HTRA1: variants seen among roughly 807,000 people sequenced by gnomAD.
HTRA1 encodes serine protease HTRA1.
HTRA1 carries 26 observed loss-of-function variants against 49.7 expected under a neutral mutation model. The ratio of observed to expected loss-of-function variants is 0.52; its 90% CI spans 0.38 to 0.73. HTRA1 has a LOEUF of 0.73. Ranked by LOEUF, HTRA1 falls within the 30% of genes least tolerant of loss-of-function variation. The probability of loss-of-function intolerance (pLI) is 0.00; values close to 1 mark genes in which losing one functional copy is unlikely to be tolerated. For missense variants in HTRA1, 561 were observed against 667.2 expected, an observed-to-expected ratio of 0.84 and a Z score of 1.75; for synonymous variants, 291 against 286.9, an observed-to-expected ratio of 1.01 and a Z score of -0.14.
rs1565427091 is a variant in HTRA1, at chr10:122,496,224, G to GTTTT, written c.777+6598_777+6599insTTTT. Among the ~76,000 whole-genome samples the GTTTT allele has an allele frequency of 8.1e-4, 26 of 32,104 alleles. 1 individual carries two copies. The highest frequency in any genetic ancestry group is 4.2e-3 in the East Asian group (7 of 1,650). The allele number at this position is 32,104 out of a possible 152,430, so 21.1% of individuals were successfully genotyped here. On this transcript the variant is annotated intron_variant, in intron 3 of 8. Transcript: ENST00000368984. ...GCCCTTTCGTTTGCCAGAGATTGTG[G>GTTTT]GTTCTTTTTTTTTTTTTTTTTTTTT... is the stretch of plus-strand genomic sequence containing the variant.
rs1346104449 is a variant in HTRA1, at chr10:122,494,561, T to A, written c.777+4935T>A. 2.0e-5 allele frequency among the ~76,000 whole-genome samples: 3 copies of A among 152,194 alleles called. No individual in the cohort carries two copies. The highest frequency in any genetic ancestry group is 7.2e-5 in the African/African-American group (3 of 41,452). On this transcript the variant is annotated intron_variant, in intron 3 of 8. Coordinates refer to ENST00000368984, the MANE Select transcript of HTRA1 (RefSeq NM_002775.5). This position sits in a 1 kb window ranked among gnomAD's most constrained non-coding sequence, Gnocchi z 4.0. ...GAGCTTTCCCGTGGGTGCTTTTCCC[T>A]GACGCCAACAACCAGGTAAATATTT...
chr10:122,478,293 C>G (rs1255535143), intron 1 of HTRA1, among the ~76,000 whole-genome samples: 1 of 152,006 alleles, frequency 6.6e-6, no homozygotes, highest in African/African-American at 2.4e-5. Context: ...GGAGTATGCA[C>G]TGTTCTGGCA....
intron 7 of HTRA1, 49 bp downstream of exon 7, chr10:122,510,202 A>T: frequency 6.6e-7 from 1 of 1,525,458 alleles, no homozygotes; most frequent in Non-Finnish European, 9.1e-7. Flanking sequence ...ATAAACCTGA[A>T]CTTCAGAAGG....
intron 1 of HTRA1, among the ~76,000 whole-genome samples, chr10:122,471,360 T>A (rs2097486052): frequency 6.6e-6 from 1 of 152,230 alleles, no homozygotes; most frequent in Non-Finnish European, 1.5e-5. Context: ...TGTGGGATTC[T>A]GTGACACTTG....
At chr10:122,491,596 C>T (rs759921101) in intron 3 of HTRA1, among the ~76,000 whole-genome samples, 3 of 152,352 alleles carry the variant, frequency 2.0e-5, no homozygotes, top group East Asian at 1.9e-4. Flanking sequence ...TGCTTCTGGC[C>T]GGGGGATATT....
intron 1 of HTRA1, among the ~76,000 whole-genome samples, chr10:122,478,481 C>T (rs2097489593): frequency 6.6e-6 from 1 of 150,704 alleles, no homozygotes; most frequent in Non-Finnish European, 1.5e-5. Context: ...CAAGCTCCAC[C>T]TCCTGGGTTC....
Position 122,514,318 on chromosome 10 carries a change from G to A in HTRA1, c.1402G>A (p.Asp468Asn). The A allele has an allele frequency of 1.2e-6, 2 of 1,614,204 alleles. No homozygotes were observed. Among genetic ancestry groups the A allele is most frequent in the Non-Finnish European group, 1.7e-6 (2 of 1,180,034 alleles). The change falls in exon 9 of 9, where the codon GAT (aspartate) becomes AAT (asparagine). Residue 468 changes from aspartate (D) to asparagine (N), a missense_variant. This residue lies in a region of HTRA1 where 179 missense variants were observed against 173.4 expected (regional missense o/e 1.03). Coordinates refer to ENST00000368984, the MANE Select transcript of HTRA1 (RefSeq NM_002775.5). ...CATGGTGGTCCGCAGGGGTAATGAA[G>A]ATATCATGATCACAGTGATTCCCGA... ...LNMVVRRGNE[D>N]IMITVIPEEI...
At chr10:122,498,351 G>A (rs753205842) in intron 3 of HTRA1, among the ~76,000 whole-genome samples, 6 of 152,134 alleles carry the variant, frequency 3.9e-5, no homozygotes, top group African/African-American at 7.2e-5. Flanking sequence ...TGGTCACACC[G>A]TTCTTCTCAG....
intron 7 of HTRA1, among the ~76,000 whole-genome samples, chr10:122,511,459 G>A (rs2097505522): frequency 6.6e-6 from 1 of 152,124 alleles, no homozygotes; most frequent in Non-Finnish European, 1.5e-5. Flanking sequence ...ATGGCTGGGT[G>A]CGGTGGCTCA....
intron 3 of HTRA1, among the ~76,000 whole-genome samples, chr10:122,489,936 C>G (rs2097494993): frequency 6.6e-6 from 1 of 152,276 alleles, no homozygotes; most frequent in South Asian, 2.1e-4. Flanking sequence ...CCTTCCCATT[C>G]CCAATCCTGT....
At chr10:122,476,074 C>T (rs1042151649) in intron 1 of HTRA1, among the ~76,000 whole-genome samples, 7 of 152,176 alleles carry the variant, frequency 4.6e-5, no homozygotes, top group Non-Finnish European at 1.0e-4. Flanking sequence ...ACAGGAGGCC[C>T]CCTCCCCTTT....
Position 122,461,680 on chromosome 10 carries a change from C to A in HTRA1, c.28C>A (p.Pro10Thr). The change falls in exon 1 of 9, where the codon CCG becomes ACG. Residue 10 changes from proline (P) to threonine (T), a missense_variant. Physicochemically the swap from Pro to Thr is conservative, Grantham distance 38. This residue lies in a region of HTRA1 where 111 missense variants were observed against 83.7 expected (regional missense o/e 1.33). Coordinates refer to ENST00000368984, the MANE Select transcript of HTRA1 (RefSeq NM_002775.5). ...GCAGATCCCGCGCGCCGCTCTTCTC[C>A]CGCTGCTGCTGCTGCTGCTGGCGGC... MQIPRAALL[P>T]LLLLLLAAPA... 1 of 1,315,216 alleles carries A rather than the reference C, an allele frequency of 7.6e-7. No homozygotes were observed. 81.5% of individuals were successfully genotyped at this position (1,315,216 alleles called of 1,614,324 possible).
intron 1 of HTRA1, among the ~76,000 whole-genome samples, chr10:122,481,772 G>A (rs544184994): frequency 5.3e-5 from 8 of 152,146 alleles, no homozygotes; most frequent in South Asian, 2.1e-4. Flanking sequence ...GATCTTTCCC[G>A]CACTGTTCTC....
intron 3 of HTRA1, among the ~76,000 whole-genome samples, chr10:122,497,335 A>T (rs1339811587): frequency 1.3e-5 from 2 of 152,216 alleles, no homozygotes; most frequent in Non-Finnish European, 2.9e-5. Flanking sequence ...ACCATATCAA[A>T]TTATTCTTAT....
chr10:122,504,465 C>T (rs909289), intron 3 of HTRA1, among the ~76,000 whole-genome samples: 42,663 of 152,086 alleles, frequency 0.28, 6,983 homozygotes, highest in Admixed American at 0.41. Context: ...GTGAAGCAGA[C>T]GCCTGCTGGG....
At chr10:122,493,987 C>T (rs935699359) in intron 3 of HTRA1, among the ~76,000 whole-genome samples, 2 of 152,148 alleles carry the variant, frequency 1.3e-5, no homozygotes, top group African/African-American at 2.4e-5. Context: ...AGCCAACCTT[C>T]CTGTCCTTCA....
chr10:122,498,884 T>TC (rs1404137995), intron 3 of HTRA1, among the ~76,000 whole-genome samples: 1 of 152,192 alleles, frequency 6.6e-6, no homozygotes, highest in Non-Finnish European at 1.5e-5. Flanking sequence ...TCCTGCTGCC[T>TC]CCCCAGTCCC....
intron 1 of HTRA1, among the ~76,000 whole-genome samples, chr10:122,483,970 A>G (rs141721954): frequency 1.3e-5 from 2 of 152,042 alleles, no homozygotes; most frequent in Admixed American, 1.3e-4. Context: ...ATTTTTCTAT[A>G]TAGACTATCA....
rs1235111586 is a variant in HTRA1 at position 122,464,583 on chromosome 10, G to A, written c.472+2459G>A. Among the ~76,000 whole-genome samples the A allele has an allele frequency of 6.6e-6, 1 of 152,224 alleles. No individual in the cohort carries two copies. Among genetic ancestry groups the A allele is most frequent in the Non-Finnish European group, 1.5e-5 (1 of 68,042 alleles). On this transcript the variant is annotated intron_variant, in intron 1 of 8. Transcript: ENST00000368984. This position sits in a 1 kb window ranked among gnomAD's most constrained non-coding sequence, Gnocchi z 4.8. ...GAATGAAGACAAACGGGAGGTGCTT[G>A]CGATACACAGCCATTCTGTTTTTCC...
Sources: allele counts gnomAD v4.1 joint callset (sites outside exome capture counted in the v4.1 genomes callset), GRCh38; gene constraint gnomAD v4.1.1; regional missense constraint gnomAD v4.1.1; non-coding constraint Gnocchi (gnomAD v3.1); transcripts MANE v1.5; gene names NCBI Gene and HGNC (gene_info 2026-07-23, HGNC 2026-07-21).